PIP5K1B: variants seen among roughly 807,000 people sequenced by gnomAD.
The protein encoded by PIP5K1B is phosphatidylinositol 4-phosphate 5-kinase type-1 beta.
Under a neutral mutation model 67.0 loss-of-function variants are expected in PIP5K1B, and 42 were observed. That is an observed-to-expected ratio of 0.63 (90% CI 0.49 to 0.81). The LOEUF is 0.81. Among genes scored for constraint, PIP5K1B ranks in the 30% least tolerant of loss-of-function variants. PIP5K1B has a pLI of 0.00. For synonymous variants in PIP5K1B, 214 were observed against 231.4 expected, an observed-to-expected ratio of 0.92 and a Z score of 0.68; for missense variants, 459 against 646.3, an observed-to-expected ratio of 0.71 and a Z score of 3.14.
In PIP5K1B at chr9:68,988,370, C is replaced by T. The variant is rs184816663; in HGVS notation, c.1503-2770C>T. On this transcript the variant is annotated intron_variant, in intron 14 of 15. Coordinates refer to ENST00000265382, the MANE Select transcript of PIP5K1B (RefSeq NM_003558.4). ...TTGATATATATTAATATATTTGATACACTTAATATTAGGAAAGAAATAAAA... is the reference window on the plus strand; with the variant it reads ...TTGATATATATTAATATATTTGATATACTTAATATTAGGAAAGAAATAAAA... Among the ~76,000 whole-genome samples, 165 of 149,026 alleles carry T rather than the reference C, an allele frequency of 1.1e-3. 1 individual carries two copies. Among genetic ancestry groups the T allele is most frequent in the African/African-American group, 3.9e-3 (160 of 40,680 alleles).
intron 2 of PIP5K1B, among the ~76,000 whole-genome samples, chr9:68,753,813 C>G (rs1479512566): frequency 6.6e-6 from 1 of 152,000 alleles, no homozygotes; most frequent in South Asian, 2.1e-4. Context: ...CGTGAGCCAC[C>G]GCACACAGCC....
rs193179738 is a variant in PIP5K1B at position 68,959,706 on chromosome 9, C to T, written c.1502+18916C>T. Among the ~76,000 whole-genome samples the T allele has an allele frequency of 9.2e-5, 14 of 152,288 alleles. No homozygotes were observed. The East Asian group carries it at 2.7e-3, about 29-fold the overall frequency. On this transcript the variant is annotated intron_variant, in intron 14 of 15. Coordinates refer to ENST00000265382, the MANE Select transcript of PIP5K1B (RefSeq NM_003558.4). The stretch of plus-strand genomic sequence containing the variant: ...TGTCATAAACATATTCGCAACTGTG[C>T]CCTGTTGTAAAGTTTCATTATATTT...
At chr9:68,807,854 T>C (rs10869320) in intron 2 of PIP5K1B, among the ~76,000 whole-genome samples, 14,700 of 152,252 alleles carry the variant, frequency 0.097, 860 homozygotes, top group Non-Finnish European at 0.14. Context: ...TATTGCCATG[T>C]AGTAAAGATA....
At chr9:69,002,500 T>TAC (rs1259811992) in intron 15 of PIP5K1B, among the ~76,000 whole-genome samples, 1 of 152,156 alleles carries the variant, frequency 6.6e-6, no homozygotes, top group East Asian at 1.9e-4. Context: ...GGGTCCCTGC[T>TAC]ACTACTGGAA....
At chr9:68,913,909 T>A (rs76558078) in intron 8 of PIP5K1B, among the ~76,000 whole-genome samples, 1 of 152,262 alleles carries the variant, frequency 6.6e-6, no homozygotes, top group East Asian at 1.9e-4. Flanking sequence ...ATCAGGATAG[T>A]GTCTTACTTT....
chr9:68,934,969 A>C lies in PIP5K1B; in HGVS notation c.1281A>C (p.Ser427=), dbSNP rs1827177120. 1 of 1,613,780 alleles carries C rather than the reference A, an allele frequency of 6.2e-7. No individual in the cohort carries two copies. The highest frequency in any genetic ancestry group is 8.5e-7 in the Non-Finnish European group (1 of 1,179,756). ...CCACTTCACAGGAGATTGTGTCCTC[A>C]ATTAGCCAGGAATGGAAGGATGAGA... ...LKATSQEIVS[S]ISQEWKDEKR... is the part of the protein sequence containing the mutation. Residue 427 remains serine (S), a synonymous_variant, in exon 13 of 16, where the codon TCA becomes TCC. Transcript: ENST00000265382.
intron 2 of PIP5K1B, among the ~76,000 whole-genome samples, chr9:68,774,024 T>C (rs1173978939): frequency 6.6e-6 from 1 of 152,172 alleles, no homozygotes; most frequent in African/African-American, 2.4e-5. Flanking sequence ...ATTTCATGAA[T>C]TATTCTAGGA....
chr9:68,974,516 G>C (rs1183029132), intron 14 of PIP5K1B, among the ~76,000 whole-genome samples: 2 of 152,194 alleles, frequency 1.3e-5, no homozygotes, highest in Non-Finnish European at 2.9e-5. Flanking sequence ...CCATGATTTA[G>C]AAACCAGAAC....
intron 14 of PIP5K1B, among the ~76,000 whole-genome samples, chr9:68,947,948 G>A (rs991502194): frequency 2.0e-5 from 3 of 152,308 alleles, no homozygotes; most frequent in Middle Eastern, 3.4e-3. Flanking sequence ...TGATAAGGCA[G>A]GTGACACAGT....
At chr9:68,855,884 C>A (rs922598711) in intron 4 of PIP5K1B, among the ~76,000 whole-genome samples, 2 of 152,206 alleles carry the variant, frequency 1.3e-5, no homozygotes, top group South Asian at 4.1e-4. Flanking sequence ...CAAATCATTT[C>A]TCAAGTTCTT....
At chr9:68,791,172 C>T (rs567705820) in intron 2 of PIP5K1B, among the ~76,000 whole-genome samples, 3 of 152,210 alleles carry the variant, frequency 2.0e-5, no homozygotes, top group South Asian at 4.1e-4. Context: ...ATTTTGTGCC[C>T]CAGCAGAGTA....
chr9:68,889,633 G>A (rs1564208725), intron 7 of PIP5K1B, among the ~76,000 whole-genome samples: 2 of 151,764 alleles, frequency 1.3e-5, no homozygotes, highest in Admixed American at 6.6e-5. Flanking sequence ...TACTCAGGAG[G>A]CTGAGGCAGG....
At chr9:68,918,021 A>G (rs1826185855) in intron 9 of PIP5K1B, among the ~76,000 whole-genome samples, 2 of 151,968 alleles carry the variant, frequency 1.3e-5, no homozygotes, top group African/African-American at 4.8e-5. Context: ...TTAACTACAT[A>G]TTCAAAACAT....
At chr9:68,862,822 AAT>A (rs10573796) in intron 4 of PIP5K1B, among the ~76,000 whole-genome samples, 71,108 of 144,290 alleles carry the variant, frequency 0.49, 17,336 homozygotes, top group African/African-American at 0.53. Flanking sequence ...TAAATAAATA[AAT>A]ATATATATAT....
In PIP5K1B at chr9:68,880,556, AACACACACACACACACACAC is replaced by A. The variant is rs35017818; in HGVS notation, c.318+3775_318+3794del. Among the ~76,000 whole-genome samples, 7 of 118,690 alleles carry A rather than the reference AACACACACACACACACACAC, an allele frequency of 5.9e-5. No homozygotes were observed. The East Asian group carries it at 1.1e-3, about 18-fold the overall frequency. 77.9% of individuals were successfully genotyped at this position (118,690 alleles called of 152,430 possible). ...GGCGGCAGAGCAAGACTGCATCTGA[AACACACACACACACACACAC>A]ACACACACACACGCATACACACACA... On this transcript the variant is annotated intron_variant, in intron 6 of 15. Transcript: ENST00000265382.
chr9:68,776,313 TAAAAG>T (rs1000828603), intron 2 of PIP5K1B, among the ~76,000 whole-genome samples: 6 of 152,152 alleles, frequency 3.9e-5, no homozygotes, highest in African/African-American at 1.2e-4. Flanking sequence ...CCTCAGAAAT[TAAAAG>T]AAAACTATCT....
At chr9:68,891,548 C>T (rs1293136811) in intron 7 of PIP5K1B, among the ~76,000 whole-genome samples, 3 of 151,736 alleles carry the variant, frequency 2.0e-5, no homozygotes, top group Admixed American at 2.0e-4. Flanking sequence ...ATACAAGAAT[C>T]CTTTCTCTAG....
intron 8 of PIP5K1B, among the ~76,000 whole-genome samples, chr9:68,901,678 G>C (rs1825360462): frequency 6.6e-6 from 1 of 152,308 alleles, no homozygotes; most frequent in South Asian, 2.1e-4. Flanking sequence ...TATCATAGCA[G>C]TATAAGCATA....
chr9:68,771,324 A>G (rs144931403), intron 2 of PIP5K1B, among the ~76,000 whole-genome samples: 4 of 152,326 alleles, frequency 2.6e-5, no homozygotes, highest in Non-Finnish European at 5.9e-5. Flanking sequence ...AGCCTACACA[A>G]TTATATGGAC....
Sources: allele counts gnomAD v4.1 joint callset (sites outside exome capture counted in the v4.1 genomes callset), GRCh38; gene constraint gnomAD v4.1.1; transcripts MANE v1.5; gene names NCBI Gene and HGNC (gene_info 2026-07-23, HGNC 2026-07-21).